Variants in SAMMSON observed in about 807,000 individuals in gnomAD.
SAMMSON encodes survival associated mitochondrial melanoma specific oncogenic non-coding RNA, also known as long intergenic non-protein coding RNA 1212.
chr3:70,252,753 A>G (rs1227950608), intron 6 of SAMMSON, among the ~76,000 whole-genome samples: 1 of 152,174 alleles, frequency 6.6e-6, no homozygotes, highest in East Asian at 1.9e-4. Flanking sequence ...TGGATACATC[A>G]GTGAACAAAA....
intron 2 of SAMMSON, among the ~76,000 whole-genome samples, chr3:70,422,928 C>G (rs1701323958): frequency 6.6e-6 from 1 of 151,372 alleles, no homozygotes; most frequent in Non-Finnish European, 1.5e-5. Context: ...TTGGGTAAAC[C>G]ATATTATAAT....
At chr3:70,198,383 C>T (rs918090175) in intron 4 of SAMMSON, among the ~76,000 whole-genome samples, 5 of 152,170 alleles carry the variant, frequency 3.3e-5, no homozygotes, top group Admixed American at 2.0e-4. Flanking sequence ...CTCTTATCGC[C>T]GTATTCATTT....
At chr3:70,192,386 A>G (rs1402070267) in intron 4 of SAMMSON, among the ~76,000 whole-genome samples, 1 of 152,202 alleles carries the variant, frequency 6.6e-6, no homozygotes, top group East Asian at 1.9e-4. Context: ...TCAAGATGTG[A>G]AGCAGAGAAG....
At chr3:70,171,983 C>T (rs1380130388) in intron 4 of SAMMSON, among the ~76,000 whole-genome samples, 2 of 151,890 alleles carry the variant, frequency 1.3e-5, no homozygotes, top group African/African-American at 4.8e-5. Flanking sequence ...GAAAAGTAAG[C>T]AGTGATTCAG....
intron 4 of SAMMSON, among the ~76,000 whole-genome samples, chr3:70,099,295 G>A (rs542660636): frequency 7.9e-5 from 12 of 152,242 alleles, no homozygotes; most frequent in East Asian, 1.9e-4. Flanking sequence ...TTGCCACATA[G>A]TTCTCTTGAG....
intron 3 of SAMMSON, among the ~76,000 whole-genome samples, chr3:70,032,899 G>A (rs1041231962): frequency 8.5e-5 from 13 of 152,156 alleles, no homozygotes; most frequent in Non-Finnish European, 1.6e-4. Flanking sequence ...CAATGATGTA[G>A]CAGATGCTTT....
At chr3:70,049,767 G>A (rs1465118693) in intron 3 of SAMMSON, among the ~76,000 whole-genome samples, 3 of 152,038 alleles carry the variant, frequency 2.0e-5, no homozygotes, top group Non-Finnish European at 2.9e-5. Context: ...TTAAGAAACA[G>A]TACGTTGGTC....
At chr3:70,124,901 T>C (rs1297045117) in intron 4 of SAMMSON, among the ~76,000 whole-genome samples, 1 of 145,608 alleles carries the variant, frequency 6.9e-6, no homozygotes, top group Admixed American at 6.8e-5. Context: ...AAAATACATA[T>C]AATATAGTTC....
intron 4 of SAMMSON, among the ~76,000 whole-genome samples, chr3:70,086,928 G>GGTATAGAGAAAGTAAAGCTACTTGCCCA (rs2067287509): frequency 2.0e-5 from 3 of 152,166 alleles, no homozygotes; most frequent in African/African-American, 7.2e-5. Context: ...GAAAAACTGA[G>GGTATAGAGAAAGTAAAGCTACTTGCCCA]GTATAGAGAA....
intron 6 of SAMMSON, among the ~76,000 whole-genome samples, chr3:70,267,731 T>C (rs1390946463): frequency 6.6e-6 from 1 of 152,106 alleles, no homozygotes; most frequent in Non-Finnish European, 1.5e-5. Flanking sequence ...TAGCATTTTT[T>C]AATGGCAGCT....
intron 4 of SAMMSON, among the ~76,000 whole-genome samples, chr3:70,138,862 A>G (rs2067516572): frequency 6.6e-6 from 1 of 152,170 alleles, no homozygotes. Context: ...AGCAAACAAC[A>G]TTAAACCTTG....
intron 4 of SAMMSON, among the ~76,000 whole-genome samples, chr3:70,208,581 T>A (rs146975121): frequency 6.6e-6 from 1 of 152,210 alleles, no homozygotes; most frequent in Admixed American, 6.5e-5. Flanking sequence ...GGAGAATTTT[T>A]GAAGCTCCTC....
intron 4 of SAMMSON, among the ~76,000 whole-genome samples, chr3:70,243,611 G>T (rs1253662508): frequency 6.6e-6 from 1 of 152,162 alleles, no homozygotes; most frequent in Non-Finnish European, 1.5e-5. Context: ...GCTGTGCTAT[G>T]CATTCTGGGT....
intron 4 of SAMMSON, among the ~76,000 whole-genome samples, chr3:70,153,547 A>G (rs1005750215): frequency 6.6e-6 from 1 of 152,024 alleles, no homozygotes; most frequent in African/African-American, 2.4e-5. Flanking sequence ...CACCTGGGGA[A>G]CATGAAAGAG....
At chr3:70,138,306 T>C (rs903816414) in intron 4 of SAMMSON, among the ~76,000 whole-genome samples, 1 of 152,220 alleles carries the variant, frequency 6.6e-6, no homozygotes, top group Non-Finnish European at 1.5e-5. Flanking sequence ...AACTGGATAA[T>C]GTATAAACAA....
At chr3:70,199,582 A>G (rs1281208888) in intron 4 of SAMMSON, among the ~76,000 whole-genome samples, 2 of 152,156 alleles carry the variant, frequency 1.3e-5, no homozygotes, top group Non-Finnish European at 2.9e-5. Context: ...CGATCTTTCA[A>G]GTGAGTTCCA....
At chr3:70,125,736 A>G (rs1576128481) in intron 4 of SAMMSON, 4 of 675,128 alleles carry the variant, frequency 5.9e-6, no homozygotes, top group Admixed American at 2.3e-5. Flanking sequence ...TTTGTGAAGG[A>G]CACGAAAGTA....
rs185749908 is a variant in SAMMSON, at chr3:70,302,995, C to A, written n.739+11752C>A. On this transcript the variant is annotated intron_variant and non_coding_transcript_variant, in intron 7 of 9. Coordinates refer to ENST00000642114, the Ensembl canonical transcript of SAMMSON. ...ACAGAAGATCTCATCTTTTGCTGAA[C>A]TTTCTAAATATAAATTAAAGTTATC... 8.5e-5 allele frequency among the ~76,000 whole-genome samples: 13 copies of A among 152,256 alleles called. No individual in the cohort carries two copies. In the East Asian group the frequency reaches 2.3e-3, roughly 27 times the overall value.
intron 2 of SAMMSON, among the ~76,000 whole-genome samples, chr3:70,416,223 T>C (rs904963743): frequency 7.9e-5 from 12 of 152,220 alleles, no homozygotes; most frequent in Admixed American, 2.0e-4. Flanking sequence ...AGAGAAAGTA[T>C]TGAATTTTCT....
Sources: gnomAD v4.1 joint callset for allele counts (sites outside exome capture counted in the v4.1 genomes callset) on GRCh38, gnomAD v4.1.1 for gene constraint, MANE v1.5 for transcripts, NCBI Gene and HGNC (gene_info 2026-07-23, HGNC 2026-07-21) for gene names.